Variants in SNPH observed in about 807,000 individuals in gnomAD.
The protein encoded by SNPH is syntaphilin.
A neutral mutation model predicts 36.8 loss-of-function variants in SNPH; 10 were observed. The observed-to-expected ratio is 0.27, with a 90% CI of 0.17 to 0.46. The LOEUF is 0.46. Among genes scored for constraint, SNPH ranks in the 20% least tolerant of loss-of-function variants. SNPH has a pLI of 1.00. For synonymous variants in SNPH, 281 were observed against 312.2 expected (o/e 0.90, Z 1.05); for missense variants, 622 against 744.0 (o/e 0.84, Z 1.91).
chr20:1,266,966 G>A lies in SNPH; in HGVS notation c.-493+206G>A, dbSNP rs1355108659. 6.6e-6 allele frequency among the ~76,000 whole-genome samples: 1 copy of A among 152,082 alleles called. No homozygotes were observed. Among genetic ancestry groups the A allele is most frequent in the African/African-American group, 2.4e-5 (1 of 41,402 alleles). On this transcript the variant is annotated intron_variant, in intron 2 of 6. Transcript: ENST00000381867. This position sits in a 1 kb window ranked among gnomAD's most constrained non-coding sequence, Gnocchi z 6.0. ...CCCCCTCCCTGAAATGTAAGAATTA[G>A]AGGGTGCTGATTGCAGCAGAGAAGA...
chr20:1,280,793 G>A (rs1320268332), intron 2 of SNPH, among the ~76,000 whole-genome samples: 1 of 152,182 alleles, frequency 6.6e-6, no homozygotes, highest in Admixed American at 6.5e-5. Flanking sequence ...CTGTTTGGCT[G>A]CCTGACTTCC....
rs1366512895 is a variant in SNPH at position 1,285,923 on chromosome 20, C to T, written c.-492-9028C>T. ...CATCCTGGCCAATATGGTGAAACCC[C>T]GTCTCTACTAAAAATACAAAAATTA... On this transcript the variant is annotated intron_variant, in intron 2 of 6. Coordinates refer to ENST00000381867, the MANE Select transcript of SNPH (RefSeq NM_001318234.2). The surrounding 1 kb of genome is among the most constrained non-coding windows in gnomAD (Gnocchi z 4.9). 2.0e-5 allele frequency among the ~76,000 whole-genome samples: 3 copies of T among 151,708 alleles called. No individual in the cohort carries two copies. The highest frequency in any genetic ancestry group is 7.3e-5 in the African/African-American group (3 of 41,264).
At position 1,266,883 on chromosome 20, in the gene SNPH, G is replaced by A; in HGVS notation, c.-493+123G>A. The A allele has an allele frequency of 1.6e-6, 2 of 1,228,424 alleles. No individual in the cohort carries two copies. The highest frequency in any genetic ancestry group is 2.1e-6 in the Non-Finnish European group (2 of 975,536). The allele number at this position is 1,228,424 out of a possible 1,614,324, so 76.1% of individuals were successfully genotyped here. ...GGCACCAGCCTAAGAGGGGTTAATC[G>A]TGACTCATTCTTACCCTCCCTTCAT... On this transcript the variant is annotated intron_variant, in intron 2 of 6. Coordinates refer to ENST00000381867, the MANE Select transcript of SNPH (RefSeq NM_001318234.2). The surrounding 1 kb of genome is among the most constrained non-coding windows in gnomAD (Gnocchi z 6.0).
rs543741283 is a variant in SNPH, at chr20:1,297,356, G to A, written c.290+104G>A. On this transcript the variant is annotated intron_variant, in intron 5 of 6. Coordinates refer to ENST00000381867, the MANE Select transcript of SNPH (RefSeq NM_001318234.2). The stretch of plus-strand genomic sequence containing the variant: ...GGGTCGTGTTCTAACCACCCCTGAC[G>A]CCAGCATAGCCGCTGGCCGTGTGAC... The A allele has an allele frequency of 1.7e-5, 17 of 994,206 alleles. No homozygotes were observed. The African/African-American group carries it at 2.1e-4, about 12-fold the overall frequency. The allele number at this position is 994,206 out of a possible 1,614,324, so 61.6% of individuals were successfully genotyped here. A position where few individuals can be genotyped will look rare whatever the true frequency, so the allele number is the denominator to read the frequency against.
At chr20:1,275,873 C>A (rs2088125485) in intron 2 of SNPH, among the ~76,000 whole-genome samples, 1 of 152,198 alleles carries the variant, frequency 6.6e-6, no homozygotes, top group Non-Finnish European at 1.5e-5. Context: ...CCATTCCTTT[C>A]TACCTCAATT....
At chr20:1,270,530 C>G (rs1456787169) in intron 2 of SNPH, among the ~76,000 whole-genome samples, 1 of 152,106 alleles carries the variant, frequency 6.6e-6, no homozygotes, top group South Asian at 2.1e-4. Flanking sequence ...CCAAACAGCC[C>G]TAAAGACTTG....
intron 6 of SNPH, among the ~76,000 whole-genome samples, chr20:1,301,505 C>CTTT (rs11478452): frequency 2.0e-5 from 3 of 146,604 alleles, no homozygotes; most frequent in African/African-American, 7.5e-5. Flanking sequence ...TCTTTTCTTT[C>CTTT]TTTTTTTTTT....
Position 1,305,070 on chromosome 20 carries a change from C to T in SNPH, c.633C>T (p.Phe211=), listed in dbSNP as rs187274269. The change falls in exon 7 of 7, where the codon TTC becomes TTT. Residue 211 remains phenylalanine (F), a synonymous_variant. Transcript: ENST00000381867. ...IDKDKGLQKY[F]VDINIQNKKL... The stretch of plus-strand genomic sequence containing the variant: ...AGGACAAGGGGCTGCAGAAGTACTT[C>T]GTGGACATCAACATCCAGAACAAGA... 5.0e-5 allele frequency: 81 copies of T among 1,614,078 alleles called. No homozygotes were observed. Among genetic ancestry groups the T allele is most frequent in the East Asian group, 3.3e-4 (15 of 44,884 alleles).
At chr20:1,298,804 T>TTTTG (rs1200006436) in intron 5 of SNPH, among the ~76,000 whole-genome samples, 5 of 141,154 alleles carry the variant, frequency 3.5e-5, no homozygotes, top group Admixed American at 7.1e-5. Flanking sequence ...TTTTTCTAAT[T>TTTTG]TGTGTGTGTG....
At chr20:1,290,018 C>G (rs1216084483) in intron 2 of SNPH, among the ~76,000 whole-genome samples, 2 of 151,948 alleles carry the variant, frequency 1.3e-5, no homozygotes, top group Non-Finnish European at 1.5e-5. Flanking sequence ...CAAGACCAAC[C>G]TGGCCAATAT....
chr20:1,266,692 A>C lies in SNPH; in HGVS notation c.-561A>C. On this transcript the variant is annotated 5_prime_UTR_variant, in exon 2 of 7. Coordinates refer to ENST00000381867, the MANE Select transcript of SNPH (RefSeq NM_001318234.2). This position sits in a 1 kb window ranked among gnomAD's most constrained non-coding sequence, Gnocchi z 6.0. ...GCCAGGCGGCTGCAGCAGCGACTGC[A>C]GAGGCGCTGCGCCAAGCCGGGCCGG... 6.8e-7 allele frequency: 1 copy of C among 1,462,366 alleles called. No individual in the cohort carries two copies. The highest frequency in any genetic ancestry group is 9.0e-7 in the Non-Finnish European group (1 of 1,110,792). The allele number at this position is 1,462,366 out of a possible 1,614,324, so 90.6% of individuals were successfully genotyped here. A position where few individuals can be genotyped will look rare whatever the true frequency, so the allele number is the denominator to read the frequency against.
intron 5 of SNPH, 107 bp from the exon 6 acceptor site, chr20:1,300,455 G>A: frequency 8.1e-7 from 1 of 1,235,840 alleles, no homozygotes; most frequent in Non-Finnish European, 1.2e-6. Context: ...TGGAGCATCT[G>A]GTGGCCAGGG....
rs966846 is a variant in SNPH at position 1,285,759 on chromosome 20, G to A, written c.-492-9192G>A. On this transcript the variant is annotated intron_variant, in intron 2 of 6. Transcript: ENST00000381867. The surrounding 1 kb of genome is among the most constrained non-coding windows in gnomAD (Gnocchi z 4.9). ...GTTCAAGCCGTGGTTTCTTTCTGTC[G>A]GGTTAGTCTGCCTGTCAGCAAAAGG... Among the ~76,000 whole-genome samples, 43,188 of 152,004 alleles carry A rather than the reference G, an allele frequency of 0.28. 6,612 individuals are homozygous for A. Among genetic ancestry groups the A allele is most frequent in the South Asian group, 0.38 (1,840 of 4,828 alleles).
chr20:1,306,065 T>G lies in SNPH; in HGVS notation c.*11T>G. 7.0e-7 allele frequency: 1 copy of G among 1,438,106 alleles called. No individual in the cohort carries two copies. Among genetic ancestry groups the G allele is most frequent in the Non-Finnish European group, 9.1e-7 (1 of 1,098,368 alleles). The allele number at this position is 1,438,106 out of a possible 1,614,324, so 89.1% of individuals were successfully genotyped here. On this transcript the variant is annotated 3_prime_UTR_variant, in exon 7 of 7. Coordinates refer to ENST00000381867, the MANE Select transcript of SNPH (RefSeq NM_001318234.2). ...GGCTCCCAGCTCTGAGGGGGCCCATTCTGGCAGCGGCGCCTGCGGCCTGAC... is the reference window on the plus strand; with the variant it reads ...GGCTCCCAGCTCTGAGGGGGCCCATGCTGGCAGCGGCGCCTGCGGCCTGAC...
chr20:1,299,303 T>C (rs1318798780), intron 5 of SNPH, among the ~76,000 whole-genome samples: 2 of 152,120 alleles, frequency 1.3e-5, no homozygotes, highest in Non-Finnish European at 2.9e-5. Context: ...AAAGGGACAT[T>C]GCCCCTCCCT....
At chr20:1,274,835 G>A (rs975492623) in intron 2 of SNPH, among the ~76,000 whole-genome samples, 4 of 152,132 alleles carry the variant, frequency 2.6e-5, no homozygotes, top group Admixed American at 6.5e-5. Flanking sequence ...TGGGTCCTGC[G>A]TCTTTCCCAA....
intron 2 of SNPH, among the ~76,000 whole-genome samples, chr20:1,292,467 G>T (rs530103437): frequency 1.8e-4 from 27 of 152,296 alleles, no homozygotes; most frequent in African/African-American, 6.3e-4. Context: ...TTTGAACAGG[G>T]TCCAGGCCCT....
chr20:1,308,103 C>T lies in SNPH; in HGVS notation c.*2049C>T, dbSNP rs2088605306. Reference sequence around the variant, plus strand: ...TAGTCAAGCTTCAGGCCCCTCTGCTCCTGTCTGTGTCTTGCGTCTGTGGCC... The same window carrying T: ...TAGTCAAGCTTCAGGCCCCTCTGCTTCTGTCTGTGTCTTGCGTCTGTGGCC... On this transcript the variant is annotated 3_prime_UTR_variant, in exon 7 of 7. Transcript: ENST00000381867. 6.5e-6 allele frequency: 1 copy of T among 152,776 alleles called. No individual in the cohort carries two copies. Among genetic ancestry groups the T allele is most frequent in the South Asian group, 2.1e-4 (1 of 4,844 alleles). 9.5% of individuals were successfully genotyped at this position (152,776 alleles called of 1,614,324 possible).
rs748242487 is a variant in SNPH, at chr20:1,305,883, C to T, written c.1446C>T (p.Pro482=). Residue 482 remains proline, a synonymous_variant, in exon 7 of 7, where the codon CCC becomes CCT. Transcript: ENST00000381867. ...DLLAVVVPAV[P]TVAWLCRSQR... Reference sequence around the variant, plus strand: ...TGGCTGTGGTGGTGCCGGCCGTGCCCACGGTGGCCTGGCTTTGCCGCTCCC... The same window carrying T: ...TGGCTGTGGTGGTGCCGGCCGTGCCTACGGTGGCCTGGCTTTGCCGCTCCC... 5 of 1,597,612 alleles carry T rather than the reference C, an allele frequency of 3.1e-6. No individual in the cohort carries two copies. The highest frequency in any genetic ancestry group is 1.7e-4 in the Middle Eastern group (1 of 5,978).
Sources: gnomAD v4.1 joint callset for allele counts (sites outside exome capture counted in the v4.1 genomes callset) on GRCh38, gnomAD v4.1.1 for gene constraint, Gnocchi (gnomAD v3.1) non-coding constraint, MANE v1.5 for transcripts, NCBI Gene and HGNC (gene_info 2026-07-23, HGNC 2026-07-21) for gene names.